The following ADGRB3 variants were observed in gnomAD, a reference collection of about 807,000 sequenced individuals.
ADGRB3 encodes adhesion G protein-coupled receptor B3.
A neutral mutation model predicts 193.4 loss-of-function variants in ADGRB3; 37 were observed. The ratio of observed to expected loss-of-function variants is 0.19; its 90% CI spans 0.15 to 0.25. ADGRB3 has a LOEUF of 0.25. ADGRB3 is among the 10% of genes least tolerant of loss of function. The pLI is 1.00. For missense variants in ADGRB3, 1,637 were observed against 1,852.9 expected, an observed-to-expected ratio of 0.88 and a Z score of 2.14; for synonymous variants, 690 against 644.2, an observed-to-expected ratio of 1.07 and a Z score of -1.08.
At chr6:69,269,946 A>C (rs1233504396) in intron 20 of ADGRB3, among the ~76,000 whole-genome samples, 1 of 152,210 alleles carries the variant, frequency 6.6e-6, no homozygotes, top group Admixed American at 6.5e-5. Context: ...ATGTAAAATT[A>C]GATACTTGAA....
intron 17 of ADGRB3, among the ~76,000 whole-genome samples, chr6:69,148,975 C>G (rs1314467341): frequency 6.6e-6 from 1 of 151,860 alleles, no homozygotes; most frequent in Non-Finnish European, 1.5e-5. Context: ...TTTTCCTTGA[C>G]TTTTGGGAGT....
chr6:69,049,097 A>G (rs187643458), intron 14 of ADGRB3, among the ~76,000 whole-genome samples, 174 bp from the exon 15 acceptor site: 4 of 152,180 alleles, frequency 2.6e-5, no homozygotes, highest in African/African-American at 9.6e-5. Flanking sequence ...ACTATAGAAA[A>G]CACATCTTTG....
chr6:69,258,017 C>T (rs1463749230), intron 20 of ADGRB3, among the ~76,000 whole-genome samples: 2 of 152,050 alleles, frequency 1.3e-5, no homozygotes, highest in African/African-American at 4.8e-5. Context: ...TAAAGAGGAT[C>T]CTTGTTAAGC....
At chr6:69,102,008 T>C (rs1773071075) in intron 17 of ADGRB3, among the ~76,000 whole-genome samples, 1 of 151,900 alleles carries the variant, frequency 6.6e-6, no homozygotes, top group South Asian at 2.1e-4. Context: ...AAACCCCATC[T>C]CTACTAAAAA....
intron 31 of ADGRB3, among the ~76,000 whole-genome samples, chr6:69,386,418 G>A (rs1033640635): frequency 2.6e-5 from 4 of 151,948 alleles, no homozygotes; most frequent in African/African-American, 4.8e-5. Context: ...CACAACCCTC[G>A]TGTATGATAA....
chr6:68,912,409 G>A (rs946385869), intron 3 of ADGRB3, among the ~76,000 whole-genome samples: 14 of 151,274 alleles, frequency 9.3e-5, no homozygotes, highest in African/African-American at 3.2e-4. Context: ...GGGTACATGT[G>A]CACAATGTGC....
At chr6:69,243,993 G>T (rs944433506) in intron 20 of ADGRB3, among the ~76,000 whole-genome samples, 33 of 151,994 alleles carry the variant, frequency 2.2e-4, no homozygotes, top group Admixed American at 6.6e-5. Flanking sequence ...AGTCTTAATT[G>T]ACCTAGGAGT....
intron 17 of ADGRB3, among the ~76,000 whole-genome samples, chr6:69,220,896 A>ACTAT (rs1416340209): frequency 2.6e-5 from 4 of 151,490 alleles, no homozygotes; most frequent in African/African-American, 9.7e-5. Context: ...TCACTAAATC[A>ACTAT]CTATCTACAC....
At chr6:68,642,473 C>T (rs186782334) in intron 3 of ADGRB3, among the ~76,000 whole-genome samples, 103 of 152,132 alleles carry the variant, frequency 6.8e-4, no homozygotes, top group African/African-American at 2.5e-3. Flanking sequence ...ATTTCATAGC[C>T]AGAAAAGAAC....
intron 3 of ADGRB3, among the ~76,000 whole-genome samples, chr6:68,927,170 CATA>C (rs1319166556): frequency 3.3e-5 from 5 of 152,130 alleles, no homozygotes; most frequent in Admixed American, 3.3e-4. Context: ...TGTGTACATA[CATA>C]ATGTTATGCT....
chr6:68,847,347 A>G (rs1405385129), intron 3 of ADGRB3, among the ~76,000 whole-genome samples: 1 of 152,148 alleles, frequency 6.6e-6, no homozygotes, highest in East Asian at 1.9e-4. Context: ...TGGTTTTAAA[A>G]TGTGAGGACA....
chr6:68,962,793 T>C (rs750918426), intron 8 of ADGRB3, among the ~76,000 whole-genome samples: 4 of 152,206 alleles, frequency 2.6e-5, no homozygotes, highest in Non-Finnish European at 5.9e-5. Flanking sequence ...TGGTCTTTGA[T>C]GTTTCTCATC....
At chr6:69,205,922 A>G (rs1157364647) in intron 17 of ADGRB3, among the ~76,000 whole-genome samples, 1 of 150,770 alleles carries the variant, frequency 6.6e-6, no homozygotes, top group Non-Finnish European at 1.5e-5. Context: ...AGTACCTGGG[A>G]CTACAGGCAT....
chr6:68,772,882 C>CAAACAA (rs1378074569), intron 3 of ADGRB3, among the ~76,000 whole-genome samples: 9 of 23,926 alleles, frequency 3.8e-4, no homozygotes, highest in East Asian at 3.6e-3. Context: ...AACAAACAAA[C>CAAACAA]AAAAAAAAAA....
intron 3 of ADGRB3, among the ~76,000 whole-genome samples, chr6:68,709,523 C>T (rs1031163438): frequency 1.3e-5 from 2 of 152,050 alleles, no homozygotes; most frequent in Admixed American, 6.6e-5. Context: ...AATCAGGGGG[C>T]TTTTCTTATT....
At chr6:69,387,067 C>T (rs961045818) in intron 31 of ADGRB3, among the ~76,000 whole-genome samples, 5 of 152,124 alleles carry the variant, frequency 3.3e-5, no homozygotes, top group Admixed American at 2.6e-4. Context: ...ACTCCTTGGC[C>T]CACAATATAA....
chr6:69,031,571 C>CTTTCTCTCTCT (rs1337493560), intron 13 of ADGRB3, among the ~76,000 whole-genome samples: 10 of 106,836 alleles, frequency 9.4e-5, no homozygotes, highest in Non-Finnish European at 1.7e-4. Context: ...TTCTTTTCTT[C>CTTTCTCTCTCT]CTCTGTCTCT....
intron 11 of ADGRB3, among the ~76,000 whole-genome samples, chr6:69,009,590 A>G (rs1769872837): frequency 6.6e-6 from 1 of 152,148 alleles, no homozygotes; most frequent in African/African-American, 2.4e-5. Context: ...GCCATCAACT[A>G]GTTGATCTCT....
chr6:68,767,923 G>A (rs1275123210), intron 3 of ADGRB3, among the ~76,000 whole-genome samples: 1 of 152,126 alleles, frequency 6.6e-6, no homozygotes, highest in Non-Finnish European at 1.5e-5. Flanking sequence ...CAAATCATAA[G>A]TGAACTCCCA....
Sources: allele counts gnomAD v4.1 joint callset (sites outside exome capture counted in the v4.1 genomes callset), GRCh38; gene constraint gnomAD v4.1.1; transcripts MANE v1.5; gene names NCBI Gene and HGNC (gene_info 2026-07-23, HGNC 2026-07-21).